The following RYR3 variants were observed in gnomAD, a reference collection of about 807,000 sequenced individuals.
The protein encoded by RYR3 is ryanodine receptor 3, also known as brain ryanodine receptor-calcium release channel.
In RYR3, 207 loss-of-function variants were observed where a neutral mutation model predicts 584.3. The ratio of observed to expected loss-of-function variants is 0.35; its 90% CI spans 0.32 to 0.40. RYR3 has a LOEUF of 0.40. Among genes scored for constraint, RYR3 ranks in the 10% least tolerant of loss-of-function variants. The probability of loss-of-function intolerance (pLI) is 1.00; values close to 1 mark genes in which losing one functional copy is unlikely to be tolerated. For synonymous variants in RYR3, 2,416 were observed against 2,248.5 expected (o/e 1.07, Z -2.11); for missense variants, 5,616 against 6,089.2 (o/e 0.92, Z 2.59).
chr15:33,366,930 C>G (rs956499091), intron 1 of RYR3, among the ~76,000 whole-genome samples: 1 of 152,188 alleles, frequency 6.6e-6, no homozygotes, highest in Non-Finnish European at 1.5e-5. Context: ...AGGAAAAGAG[C>G]TACTCCATCT....
chr15:33,734,494 A>G (rs2069240580), intron 48 of RYR3, among the ~76,000 whole-genome samples: 1 of 152,120 alleles, frequency 6.6e-6, no homozygotes, highest in Non-Finnish European at 1.5e-5. Context: ...TTGGTAATGC[A>G]TCAATAACAG....
chr15:33,779,866 C>T (rs1170375997), intron 64 of RYR3, among the ~76,000 whole-genome samples: 2 of 151,778 alleles, frequency 1.3e-5, no homozygotes, highest in Non-Finnish European at 2.9e-5. Flanking sequence ...AAGAAATTAA[C>T]CGGGCATGGT....
At chr15:33,740,100 C>A in intron 51 of RYR3, 105 bp downstream of exon 51, 1 of 919,652 alleles carries the variant, frequency 1.1e-6, no homozygotes, top group Non-Finnish European at 1.7e-6. Flanking sequence ...TTCCCTCCTG[C>A]CAACACTGTT....
chr15:33,329,577 C>G (rs1002481135), intron 1 of RYR3, among the ~76,000 whole-genome samples: 1 of 151,924 alleles, frequency 6.6e-6, no homozygotes, highest in Non-Finnish European at 1.5e-5. Context: ...CACTTTTGAG[C>G]ATCTTTGTCG....
intron 51 of RYR3, among the ~76,000 whole-genome samples, chr15:33,742,152 C>T (rs1343690746): frequency 6.6e-6 from 1 of 152,164 alleles, no homozygotes. Flanking sequence ...AGAGATGTTC[C>T]ATGGTTAGAC....
intron 52 of RYR3, among the ~76,000 whole-genome samples, chr15:33,745,140 G>T (rs1403968266): frequency 6.6e-6 from 1 of 152,126 alleles, no homozygotes; most frequent in Non-Finnish European, 1.5e-5. Context: ...TGGTGTCAAG[G>T]AGGACTCCCA....
At chr15:33,605,782 G>A (rs182622642) in intron 18 of RYR3, among the ~76,000 whole-genome samples, 69 of 152,262 alleles carry the variant, frequency 4.5e-4, no homozygotes, top group African/African-American at 1.6e-3. Context: ...ACCAGGACAG[G>A]CATGAATTTC....
intron 1 of RYR3, among the ~76,000 whole-genome samples, chr15:33,438,681 T>C (rs2045942899): frequency 6.6e-6 from 1 of 152,236 alleles, no homozygotes. Context: ...AACGGACATA[T>C]TCACAATATC....
chr15:33,682,292 AC>A (rs1455652014), intron 38 of RYR3, among the ~76,000 whole-genome samples: 1 of 152,022 alleles, frequency 6.6e-6, no homozygotes, highest in African/African-American at 2.4e-5. Flanking sequence ...AAATTTAAAG[AC>A]CCTCTAACTC....
At chr15:33,317,926 T>C (rs1214115102) in intron 1 of RYR3, among the ~76,000 whole-genome samples, 1 of 152,210 alleles carries the variant, frequency 6.6e-6, no homozygotes, top group African/African-American at 2.4e-5. Context: ...GAACTCCTCA[T>C]TGATTTCAGG....
At chr15:33,707,123 G>A (rs2066773931) in intron 43 of RYR3, 69 bp downstream of exon 43, 2 of 1,549,680 alleles carry the variant, frequency 1.3e-6, no homozygotes, top group Non-Finnish European at 8.8e-7. Context: ...ACAAGGAAAA[G>A]GATATCCTTT....
intron 10 of RYR3, among the ~76,000 whole-genome samples, chr15:33,557,792 A>G (rs1334523329): frequency 1.3e-5 from 2 of 152,202 alleles, no homozygotes; most frequent in Non-Finnish European, 2.9e-5. Flanking sequence ...CAGTCGTAGC[A>G]ATTTGATCAT....
At position 33,628,510 on chromosome 15, in the gene RYR3, C is replaced by A. The variant is rs745755484; in HGVS notation, c.2614C>A (p.Leu872Ile). 1 of 1,613,728 alleles carries A rather than the reference C, an allele frequency of 6.2e-7. No homozygotes were observed. Among genetic ancestry groups the A allele is most frequent in the South Asian group, 1.1e-5 (1 of 91,058 alleles). Residue 872 changes from leucine to isoleucine, a missense_variant, in exon 21 of 104, where the codon CTA becomes ATA. By Grantham distance (5) the Leu-to-Ile change is conservative. This residue lies in a region of RYR3 where 1,284 missense variants were observed against 1,344.6 expected (regional missense o/e 0.95). Coordinates refer to ENST00000634891, the MANE Select transcript of RYR3 (RefSeq NM_001036.6). ...PPHLEKIRDR[L>I]AENIHELWGM... Reference sequence around the variant, plus strand: ...TCACCTAGAAAAGATCCGAGACAGACTAGCTGAAAACATCCATGAGCTTTG... The same window carrying A: ...TCACCTAGAAAAGATCCGAGACAGAATAGCTGAAAACATCCATGAGCTTTG...
chr15:33,695,937 C>A (rs2065821199), intron 38 of RYR3, among the ~76,000 whole-genome samples: 1 of 145,352 alleles, frequency 6.9e-6, no homozygotes, highest in African/African-American at 2.5e-5. Context: ...GCGTGTGCAA[C>A]CACACCCAGC....
chr15:33,559,758 A>G (rs1266531704), intron 10 of RYR3, among the ~76,000 whole-genome samples: 2 of 152,206 alleles, frequency 1.3e-5, no homozygotes, highest in Non-Finnish European at 2.9e-5. Flanking sequence ...CTCTAACAAG[A>G]AGGGCAGTCT....
Position 33,412,898 on chromosome 15 carries a change from T to C in RYR3, c.52-60521T>C, listed in dbSNP as rs2043508039. Among the ~76,000 whole-genome samples the C allele has an allele frequency of 6.6e-6, 1 of 152,038 alleles. No individual in the cohort carries two copies. The highest frequency in any genetic ancestry group is 2.4e-5 in the African/African-American group (1 of 41,312). The stretch of plus-strand genomic sequence containing the variant: ...GGGGGAAGGCAGCTGGGGTTGAGTG[T>C]TGACGATGAGAAAAAAATTCTGTTC... On this transcript the variant is annotated intron_variant, in intron 1 of 103. Coordinates refer to ENST00000634891, the MANE Select transcript of RYR3 (RefSeq NM_001036.6). This position sits in a 1 kb window ranked among gnomAD's most constrained non-coding sequence, Gnocchi z 4.3.
intron 1 of RYR3, among the ~76,000 whole-genome samples, chr15:33,360,225 A>G (rs1307952947): frequency 1.3e-5 from 2 of 152,184 alleles, no homozygotes; most frequent in African/African-American, 2.4e-5. Flanking sequence ...TCACTCTTAC[A>G]GTCGTGAGAT....
In RYR3 at chr15:33,537,663, T is replaced by C. The variant is rs563249204; in HGVS notation, c.434-1687T>C. ...TATTTTCTGAAAGCAGCTAAGAGCG[T>C]CTCTTGTGCCTTGGTGTCTGAAATT... On this transcript the variant is annotated intron_variant, in intron 5 of 103. Coordinates refer to ENST00000634891, the MANE Select transcript of RYR3 (RefSeq NM_001036.6). 4.6e-5 allele frequency among the ~76,000 whole-genome samples: 7 copies of C among 152,332 alleles called. No homozygotes were observed. In the East Asian group the frequency reaches 7.7e-4, roughly 17 times the overall value.
intron 1 of RYR3, among the ~76,000 whole-genome samples, chr15:33,453,239 G>GA (rs149459335): frequency 1.3e-5 from 2 of 151,624 alleles, no homozygotes; most frequent in African/African-American, 2.4e-5. Context: ...AAGATTTGTA[G>GA]AAAAAAAATA....
Sources: allele counts gnomAD v4.1 joint callset (sites outside exome capture counted in the v4.1 genomes callset), GRCh38; gene constraint gnomAD v4.1.1; regional missense constraint gnomAD v4.1.1; non-coding constraint Gnocchi (gnomAD v3.1); transcripts MANE v1.5; gene names NCBI Gene and HGNC (gene_info 2026-07-23, HGNC 2026-07-21).